Variants in ZNF121 observed in about 807,000 individuals in gnomAD.
ZNF121 encodes the protein zinc finger protein 121 (clone ZHC32).
Under a neutral mutation model 2.4 loss-of-function variants are expected in ZNF121, and 1 was observed. The observed-to-expected ratio is 0.41, with a 90% CI of 0.15 to 1.94. The LOEUF (loss-of-function observed/expected upper bound fraction) is 1.94. Ranked by LOEUF, ZNF121 falls within the 30% of genes most tolerant of loss-of-function variation. ZNF121 has a pLI of 0.30. For missense variants in ZNF121, 369 were observed against 466.3 expected (o/e 0.79, Z 1.92); for synonymous variants, 173 against 158.6 (o/e 1.09, Z -0.68).
At position 9,561,016 on chromosome 19, in the gene ZNF121, T is replaced by C. The variant is rs1037354952; in HGVS notation, c.*4924A>G. On this transcript the variant is annotated 3_prime_UTR_variant, in exon 4 of 4. Transcript: ENST00000320451. The stretch of plus-strand genomic sequence containing the variant: ...TTAATCTAGGATTGAGCACGTGCTA[T>C]TTTTGCAAGTGATGAAAGATAGCTA... 6.6e-6 allele frequency: 1 copy of C among 152,244 alleles called. No individual in the cohort carries two copies. Among genetic ancestry groups the C allele is most frequent in the East Asian group, 1.9e-4 (1 of 5,200 alleles). The allele number at this position is 152,244 out of a possible 1,614,324, so 9.4% of individuals were successfully genotyped here. A position where few individuals can be genotyped will look rare whatever the true frequency, so the allele number is the denominator to read the frequency against.
At chr19:9,577,462 T>G (rs1268083365) in intron 1 of ZNF121, among the ~76,000 whole-genome samples, 1 of 126,660 alleles carries the variant, frequency 7.9e-6, no homozygotes, top group Non-Finnish European at 1.7e-5. Flanking sequence ...AAAAGAAAAA[T>G]AAAGAAAAAG....
chr19:9,567,274 C>T (rs939163313), intron 3 of ZNF121, among the ~76,000 whole-genome samples, 165 bp from the exon 4 acceptor site: 1 of 152,146 alleles, frequency 6.6e-6, no homozygotes, highest in African/African-American at 2.4e-5. Flanking sequence ...TGAAGAAAAC[C>T]TACTGGCAAG....
chr19:9,570,067 G>A (rs956368503), intron 1 of ZNF121, among the ~76,000 whole-genome samples: 1 of 151,748 alleles, frequency 6.6e-6, no homozygotes, highest in Non-Finnish European at 1.5e-5. Flanking sequence ...TTAGCAGGGC[G>A]TGGTGGCACG....
intron 1 of ZNF121, among the ~76,000 whole-genome samples, chr19:9,582,402 T>C (rs905615976): frequency 1.3e-5 from 2 of 152,206 alleles, no homozygotes; most frequent in Admixed American, 6.5e-5. Flanking sequence ...TTCCTTCTCC[T>C]GGACAATGAA....
chr19:9,567,789 G>A (rs2074144173), intron 3 of ZNF121: 1 of 276,118 alleles, frequency 3.6e-6, no homozygotes, highest in African/African-American at 2.1e-5. Flanking sequence ...TTCACAGTAA[G>A]GTTTGTGCTT....
At chr19:9,567,978 C>T (rs985781570) in intron 3 of ZNF121, 117 bp downstream of exon 3, 2 of 1,164,536 alleles carry the variant, frequency 1.7e-6, no homozygotes, top group African/African-American at 1.6e-5. Context: ...GCTCTAGAGA[C>T]ATTCCTCCTG....
At chr19:9,573,090 A>T (rs1201571752) in intron 1 of ZNF121, among the ~76,000 whole-genome samples, 3 of 152,162 alleles carry the variant, frequency 2.0e-5, no homozygotes, top group African/African-American at 4.8e-5. Context: ...GTAATAAATA[A>T]CTAATCCTTC....
chr19:9,581,011 G>A (rs2074244949), intron 1 of ZNF121, among the ~76,000 whole-genome samples: 1 of 152,136 alleles, frequency 6.6e-6, no homozygotes, highest in South Asian at 2.1e-4. Flanking sequence ...TCAAACAAAG[G>A]TTGTCAGCTT....
At position 9,566,585 on chromosome 19, in the gene ZNF121, T is replaced by C. The variant is rs1198948982; in HGVS notation, c.528A>G (p.Glu176=). ...AAGAAACAGTGAAGCATTTCCCACA[T>C]TCCTTACATTCATAGGGTTTCTCCC... is the stretch of plus-strand genomic sequence containing the variant. The part of the protein sequence containing the change: ...HTGEKPYECK[E]CGKCFTVSSH... The change falls in exon 4 of 4, where the codon GAA becomes GAG. Residue 176 remains glutamate (E), a synonymous_variant. Coordinates refer to ENST00000320451, the MANE Select transcript of ZNF121 (RefSeq NM_001008727.5). 1 of 1,614,114 alleles carries C rather than the reference T, an allele frequency of 6.2e-7. No homozygotes were observed. The highest frequency in any genetic ancestry group is 8.5e-7 in the Non-Finnish European group (1 of 1,180,048).
At chr19:9,572,462 G>A (rs1433170810) in intron 1 of ZNF121, among the ~76,000 whole-genome samples, 2 of 152,148 alleles carry the variant, frequency 1.3e-5, no homozygotes, top group Non-Finnish European at 2.9e-5. Flanking sequence ...ACATCCCTGA[G>A]GACATCCAGG....
At position 9,561,783 on chromosome 19, in the gene ZNF121, C is replaced by G. The variant is rs1368562620; in HGVS notation, c.*4157G>C. 6.6e-6 allele frequency: 1 copy of G among 151,790 alleles called. No individual in the cohort carries two copies. Among genetic ancestry groups the G allele is most frequent in the Non-Finnish European group, 1.5e-5 (1 of 68,054 alleles). The allele number at this position is 151,790 out of a possible 1,614,324, so 9.4% of individuals were successfully genotyped here. ...CCTGTGGTCCCAGGTACTCAGGAGA[C>G]TCAGGTGGGAGGATCGCTTGAGCCC... is the stretch of plus-strand genomic sequence containing the variant. On this transcript the variant is annotated 3_prime_UTR_variant, in exon 4 of 4. Coordinates refer to ENST00000320451, the MANE Select transcript of ZNF121 (RefSeq NM_001008727.5).
At chr19:9,576,540 T>A (rs993437706) in intron 1 of ZNF121, among the ~76,000 whole-genome samples, 1 of 151,774 alleles carries the variant, frequency 6.6e-6, no homozygotes, top group Non-Finnish European at 1.5e-5. Context: ...AGTAGAAAGA[T>A]TTAAAATAAC....
At position 9,562,905 on chromosome 19, in the gene ZNF121, A is replaced by G. The variant is rs1449360567; in HGVS notation, c.*3035T>C. The G allele has an allele frequency of 1.3e-5, 2 of 150,784 alleles. No individual in the cohort carries two copies. The highest frequency in any genetic ancestry group is 3.9e-4 in the East Asian group (2 of 5,154). 9.3% of individuals were successfully genotyped at this position (150,784 alleles called of 1,614,324 possible). A position where few individuals can be genotyped will look rare whatever the true frequency, so the allele number is the denominator to read the frequency against. On this transcript the variant is annotated 3_prime_UTR_variant, in exon 4 of 4. Transcript: ENST00000320451. ...CCTCTTTAAAAAAAAAAAAAAAAAA[A>G]AAAAAAAATTAGCTGGCCATGGTGG...
chr19:9,571,635 G>A (rs778527671), intron 1 of ZNF121, among the ~76,000 whole-genome samples: 4 of 152,102 alleles, frequency 2.6e-5, no homozygotes, highest in Non-Finnish European at 2.9e-5. Flanking sequence ...GTCAGTTCTC[G>A]AGGTCTCTGT....
chr19:9,579,770 T>C (rs1266249688), intron 1 of ZNF121, among the ~76,000 whole-genome samples: 1 of 152,214 alleles, frequency 6.6e-6, no homozygotes, highest in East Asian at 1.9e-4. Flanking sequence ...CACTCATCTA[T>C]TGTACATTTC....
chr19:9,577,692 C>T (rs1488205108), intron 1 of ZNF121, among the ~76,000 whole-genome samples: 1 of 151,992 alleles, frequency 6.6e-6, no homozygotes, highest in Non-Finnish European at 1.5e-5. Flanking sequence ...GAAAAAAAAT[C>T]CTAAAATGTA....
chr19:9,562,161 A>ATTTTTTTTTTTTTTTTTTTTTTTTTT lies in ZNF121; in HGVS notation c.*3778_*3779insAAAAAAAAAAAAAAAAAAAAAAAAAA, dbSNP rs34814047. ...ATTATACTTACTGTGGTGCTGTGTG[A>ATTTTTTTTTTTTTTTTTTTTTTTTTT]TTTTTTTTTTTTTTTTTTTTTGAGA... On this transcript the variant is annotated 3_prime_UTR_variant, in exon 4 of 4. Transcript: ENST00000320451. 1 of 108,078 alleles carries ATTTTTTTTTTTTTTTTTTTTTTTTTT rather than the reference A, an allele frequency of 9.3e-6. No homozygotes were observed. The highest frequency in any genetic ancestry group is 1.9e-5 in the Non-Finnish European group (1 of 53,874). The allele number at this position is 108,078 out of a possible 1,614,324, so 6.7% of individuals were successfully genotyped here.
In ZNF121 at chr19:9,566,407, C is replaced by T. The variant is rs2074132197; in HGVS notation, c.706G>A (p.Ala236Thr). The T allele has an allele frequency of 6.2e-7, 1 of 1,613,946 alleles. No individual in the cohort carries two copies. Among genetic ancestry groups the T allele is most frequent in the Non-Finnish European group, 8.5e-7 (1 of 1,180,016 alleles). ...GTTAGTAGATAAAACCTATTGTAGGCTTTCCCACATTCGTTACATTCATAG... is the reference window on the plus strand; with the variant it reads ...GTTAGTAGATAAAACCTATTGTAGGTTTTCCCACATTCGTTACATTCATAG... The part of the protein sequence containing the change: ...KPYECNECGK[A>T]YNRFYLLTEH... Residue 236 changes from alanine (A) to threonine (T), a missense_variant, in exon 4 of 4, where the codon GCC (alanine) becomes ACC (threonine). Physicochemically the swap from Ala to Thr is moderately conservative, Grantham distance 58. Coordinates refer to ENST00000320451, the MANE Select transcript of ZNF121 (RefSeq NM_001008727.5).
chr19:9,566,949 G>C lies in ZNF121; in HGVS notation c.164C>G (p.Ala55Gly), dbSNP rs146692014. Reference protein sequence around the residue: ...GENFPMLHNSAPAGETLSVLN... With the variant: ...GENFPMLHNSGPAGETLSVLN... ...CACAGAAAGTGTCTCTCCAGCAGGG[G>C]CACTGTTGTGTAACATGGGAAAGTT... The change falls in exon 4 of 4, where the codon GCC (alanine) becomes GGC (glycine). Residue 55 changes from alanine to glycine, a missense_variant. Ala to Gly is a moderately conservative substitution (Grantham distance 60). Around this residue, in one of 4 missense-constraint regions of ZNF121, gnomAD observed 168 missense variants for 162.3 expected, o/e 1.03. Coordinates refer to ENST00000320451, the MANE Select transcript of ZNF121 (RefSeq NM_001008727.5). The C allele has an allele frequency of 1.2e-6, 2 of 1,614,202 alleles. No homozygotes were observed. Among genetic ancestry groups the C allele is most frequent in the South Asian group, 2.2e-5 (2 of 91,080 alleles).
Sources: allele counts gnomAD v4.1 joint callset (sites outside exome capture counted in the v4.1 genomes callset), GRCh38; gene constraint gnomAD v4.1.1; regional missense constraint gnomAD v4.1.1; transcripts MANE v1.5; gene names NCBI Gene and HGNC (gene_info 2026-07-23, HGNC 2026-07-21).